Variants in DCDC1 observed in about 807,000 individuals in gnomAD.
DCDC1 encodes the protein doublecortin domain containing 1.
A neutral mutation model predicts 178.3 loss-of-function variants in DCDC1; 200 were observed. The ratio of observed to expected loss-of-function variants is 1.12; its 90% CI spans 1.00 to 1.26. The LOEUF is 1.26. DCDC1 is among the 50% of genes most tolerant of loss of function. The pLI is 0.00. For synonymous variants in DCDC1, 690 were observed against 604.8 expected (o/e 1.14, Z -2.07); for missense variants, 1,983 against 1,749.2 (o/e 1.13, Z -2.38).
intron 20 of DCDC1, among the ~76,000 whole-genome samples, chr11:31,062,624 A>G (rs1192925909): frequency 6.6e-6 from 1 of 152,172 alleles, no homozygotes; most frequent in Non-Finnish European, 1.5e-5. Flanking sequence ...TTCTATCTTC[A>G]AAACAACAAG....
intron 1 of DCDC1, among the ~76,000 whole-genome samples, chr11:31,364,407 A>C (rs2133408273): frequency 6.6e-6 from 1 of 152,282 alleles, no homozygotes; most frequent in East Asian, 1.9e-4. Flanking sequence ...TATTTGTATG[A>C]CTATTAAAGA....
chr11:31,064,666 T>C (rs892824659), intron 19 of DCDC1, 40 bp from the exon 20 acceptor site: 17 of 762,014 alleles, frequency 2.2e-5, no homozygotes, highest in Admixed American at 1.7e-4. Flanking sequence ...CTAATTTTCA[T>C]TGAATGGAAA....
chr11:30,948,915 T>A (rs1948232102), intron 21 of DCDC1, among the ~76,000 whole-genome samples: 1 of 152,128 alleles, frequency 6.6e-6, no homozygotes. Context: ...GAAGAAAACC[T>A]AGGCAATACC....
chr11:31,043,061 C>A (rs887433509), intron 20 of DCDC1, among the ~76,000 whole-genome samples: 2 of 152,222 alleles, frequency 1.3e-5, no homozygotes, highest in African/African-American at 2.4e-5. Flanking sequence ...TATGGTATAG[C>A]CTATTTCTCC....
chr11:31,305,820 G>T (rs760035718), intron 5 of DCDC1, 43 bp from the exon 6 acceptor site: 1 of 1,596,646 alleles, frequency 6.3e-7, no homozygotes, highest in South Asian at 1.1e-5. Flanking sequence ...TTACTACAAA[G>T]AAAGTAATAT....
intron 18 of DCDC1, among the ~76,000 whole-genome samples, chr11:31,066,943 G>A (rs1350502067): frequency 6.6e-6 from 1 of 152,084 alleles, no homozygotes; most frequent in Non-Finnish European, 1.5e-5. Context: ...CTAGGGGAGG[G>A]TGTACATTTG....
Position 31,333,030 on chromosome 11 carries a change from G to A in DCDC1, c.-7+2417C>T, listed in dbSNP as rs375098525. Among the ~76,000 whole-genome samples the A allele has an allele frequency of 2.8e-4, 42 of 152,278 alleles. 1 individual carries two copies. The East Asian group carries it at 4.6e-3, about 17-fold the overall frequency. ...TGTGAGAGTCAAAGTCTCTTTGTAC[G>A]TCTCTAAGGACTTGCTTTGTGAATC... On this transcript the variant is annotated intron_variant, in intron 2 of 38. Coordinates refer to ENST00000684477, the MANE Select transcript of DCDC1 (RefSeq NM_001387274.1).
intron 21 of DCDC1, among the ~76,000 whole-genome samples, chr11:30,940,750 G>A (rs1319336863): frequency 6.6e-6 from 1 of 152,074 alleles, no homozygotes; most frequent in Non-Finnish European, 1.5e-5. Flanking sequence ...TGATGTAAGA[G>A]CATTGGTTTC....
chr11:31,191,905 T>C (rs1970175353), intron 9 of DCDC1, among the ~76,000 whole-genome samples: 1 of 152,102 alleles, frequency 6.6e-6, no homozygotes, highest in Non-Finnish European at 1.5e-5. Flanking sequence ...TAAAGAAGTT[T>C]ATATTACGAA....
intron 20 of DCDC1, among the ~76,000 whole-genome samples, chr11:31,027,145 G>A (rs1262926935): frequency 1.3e-5 from 2 of 151,636 alleles, no homozygotes; most frequent in Non-Finnish European, 3.0e-5. Flanking sequence ...AGTCCTTTTC[G>A]TTTTACAAAC....
intron 20 of DCDC1, among the ~76,000 whole-genome samples, chr11:31,057,158 C>T (rs995483756): frequency 6.6e-6 from 1 of 151,186 alleles, no homozygotes; most frequent in African/African-American, 2.4e-5. Context: ...CTCTTGAACT[C>T]GGGAGGCAGA....
intron 20 of DCDC1, among the ~76,000 whole-genome samples, chr11:30,989,800 T>G (rs1950872012): frequency 6.6e-6 from 1 of 152,214 alleles, no homozygotes; most frequent in African/African-American, 2.4e-5. Context: ...ATGAATGCTG[T>G]GGGATGCCAA....
At chr11:31,138,361 A>C (rs749814140) in intron 9 of DCDC1, among the ~76,000 whole-genome samples, 20 of 152,224 alleles carry the variant, frequency 1.3e-4, no homozygotes, top group Admixed American at 2.6e-4. Context: ...TGTTACAAAA[A>C]AATGAATGTG....
chr11:31,306,838 A>G (rs1948494662), intron 4 of DCDC1, among the ~76,000 whole-genome samples: 1 of 152,124 alleles, frequency 6.6e-6, no homozygotes. Context: ...ACTTTTTTAA[A>G]AAATGTTTAA....
At chr11:31,144,442 C>A (rs1964213665) in intron 9 of DCDC1, among the ~76,000 whole-genome samples, 1 of 152,102 alleles carries the variant, frequency 6.6e-6, no homozygotes, top group Admixed American at 6.5e-5. Context: ...CGGCCAAAGA[C>A]TGTGCAAATG....
intron 9 of DCDC1, among the ~76,000 whole-genome samples, chr11:31,153,217 T>G (rs528741035): frequency 4.9e-4 from 74 of 152,330 alleles, no homozygotes; most frequent in African/African-American, 1.7e-3. Flanking sequence ...ATGGCATTAC[T>G]ATCTGGCTTC....
chr11:31,003,844 T>C (rs925845721), intron 20 of DCDC1, among the ~76,000 whole-genome samples: 1 of 152,170 alleles, frequency 6.6e-6, no homozygotes, highest in Non-Finnish European at 1.5e-5. Flanking sequence ...GGAAATGTGT[T>C]AAGACTGAAG....
At chr11:31,042,724 C>T (rs1954552383) in intron 20 of DCDC1, among the ~76,000 whole-genome samples, 2 of 152,096 alleles carry the variant, frequency 1.3e-5, no homozygotes, top group African/African-American at 4.8e-5. Context: ...GTGGACGTTG[C>T]TTCTTGTGCG....
intron 20 of DCDC1, among the ~76,000 whole-genome samples, chr11:30,969,274 T>C (rs542759956): frequency 6.6e-6 from 1 of 152,300 alleles, no homozygotes; most frequent in South Asian, 2.1e-4. Flanking sequence ...CTAAACCTAA[T>C]CATAAGTGTC....
Sources: allele counts gnomAD v4.1 joint callset (sites outside exome capture counted in the v4.1 genomes callset), GRCh38; gene constraint gnomAD v4.1.1; transcripts MANE v1.5; gene names NCBI Gene and HGNC (gene_info 2026-07-23, HGNC 2026-07-21).